Variants in DOCK2 observed in about 807,000 individuals in gnomAD.
DOCK2 encodes the protein dedicator of cytokinesis 2.
A neutral mutation model predicts 248.9 loss-of-function variants in DOCK2; 87 were observed. The ratio of observed to expected loss-of-function variants is 0.35; its 90% CI spans 0.29 to 0.42. DOCK2 has a LOEUF of 0.42. DOCK2 is among the 10% of genes least tolerant of loss of function. The pLI, the probability that DOCK2 is intolerant of heterozygous loss-of-function variation, is 1.00. For missense variants in DOCK2, 1,747 were observed against 2,300.2 expected (o/e 0.76, Z 4.92); for synonymous variants, 805 against 821.6 (o/e 0.98, Z 0.35).
At chr5:169,825,505 C>T (rs989130354) in intron 26 of DOCK2, among the ~76,000 whole-genome samples, 9 of 149,268 alleles carry the variant, frequency 6.0e-5, no homozygotes, top group African/African-American at 2.3e-4. Flanking sequence ...TCATTCTGAG[C>T]AAACTATCGC....
At chr5:169,699,773 CACT>C (rs1210179585) in intron 12 of DOCK2, among the ~76,000 whole-genome samples, 1 of 152,198 alleles carries the variant, frequency 6.6e-6, no homozygotes, top group Non-Finnish European at 1.5e-5. Context: ...TTGTCATCCT[CACT>C]TTGGGCTTAG....
chr5:169,915,459 C>T (rs1774821356), intron 27 of DOCK2, among the ~76,000 whole-genome samples: 1 of 151,898 alleles, frequency 6.6e-6, no homozygotes, highest in African/African-American at 2.4e-5. Context: ...TACCCAAGGT[C>T]ATGTAACTAA....
chr5:169,985,442 A>G (rs1005398610), intron 28 of DOCK2, among the ~76,000 whole-genome samples: 5 of 151,618 alleles, frequency 3.3e-5, no homozygotes, highest in African/African-American at 1.2e-4. Context: ...TGCTAATTAG[A>G]TGTTCATTTT....
intron 26 of DOCK2, among the ~76,000 whole-genome samples, chr5:169,811,332 A>G (rs944946198): frequency 1.1e-4 from 17 of 152,198 alleles, no homozygotes; most frequent in African/African-American, 3.9e-4. Flanking sequence ...GCCTCTTTGC[A>G]TTACTGTTTA....
chr5:169,756,057 C>T (rs1158465335), intron 23 of DOCK2, among the ~76,000 whole-genome samples: 4 of 152,286 alleles, frequency 2.6e-5, no homozygotes, highest in East Asian at 1.9e-4. Flanking sequence ...TCTGTGAGGC[C>T]GCCTGGACTA....
Position 169,819,800 on chromosome 5 carries a change from C to T in DOCK2, c.2703+16594C>T, listed in dbSNP as rs369306487. Among the ~76,000 whole-genome samples the T allele has an allele frequency of 1.1e-4, 16 of 152,268 alleles. No individual in the cohort carries two copies. The East Asian group carries it at 1.2e-3, about 11-fold the overall frequency. On this transcript the variant is annotated intron_variant, in intron 26 of 51. Coordinates refer to ENST00000520908, the MANE Select transcript of DOCK2 (RefSeq NM_004946.3). ...AGGACAGTGGGGGCAGCACACCGAG[C>T]GTGCGCTGAGGCGGGGTGAGGCATC...
At chr5:170,076,723 A>G (rs538962385) in intron 47 of DOCK2, among the ~76,000 whole-genome samples, 1 of 152,320 alleles carries the variant, frequency 6.6e-6, no homozygotes, top group African/African-American at 2.4e-5. Flanking sequence ...AGATGGTAAA[A>G]CTGAGACCCA....
chr5:169,966,597 C>T (rs1318736571), intron 27 of DOCK2, among the ~76,000 whole-genome samples: 1 of 152,144 alleles, frequency 6.6e-6, no homozygotes, highest in Non-Finnish European at 1.5e-5. Context: ...AATCACCACA[C>T]TCAGCATAGG....
At chr5:169,853,687 A>G (rs1166496409) in intron 27 of DOCK2, among the ~76,000 whole-genome samples, 2 of 151,886 alleles carry the variant, frequency 1.3e-5, no homozygotes, top group Non-Finnish European at 2.9e-5. Flanking sequence ...AGCTCAGAAC[A>G]TGTTCTAAGG....
intron 26 of DOCK2, among the ~76,000 whole-genome samples, chr5:169,821,831 A>G (rs1194000120): frequency 3.3e-5 from 5 of 152,232 alleles, no homozygotes; most frequent in African/African-American, 1.2e-4. Context: ...GGCAAATTGG[A>G]TAAAGAGTCA....
intron 27 of DOCK2, among the ~76,000 whole-genome samples, chr5:169,841,939 T>G (rs575641577): frequency 6.6e-6 from 1 of 152,166 alleles, no homozygotes; most frequent in African/African-American, 2.4e-5. Flanking sequence ...GTAAATACGT[T>G]TGAATGAATA....
intron 27 of DOCK2, among the ~76,000 whole-genome samples, chr5:169,925,213 C>T (rs1171895489): frequency 6.6e-6 from 1 of 152,138 alleles, no homozygotes; most frequent in Non-Finnish European, 1.5e-5. Flanking sequence ...AGTCAGGCAG[C>T]CCTAGCTTAG....
At chr5:170,002,314 G>C (rs562540220) in intron 30 of DOCK2, among the ~76,000 whole-genome samples, 1 of 151,690 alleles carries the variant, frequency 6.6e-6, no homozygotes, top group African/African-American at 2.4e-5. Flanking sequence ...CATCGTCATA[G>C]AATACAATGT....
At chr5:170,010,901 T>C (rs1755262428) in intron 32 of DOCK2, among the ~76,000 whole-genome samples, 1 of 152,252 alleles carries the variant, frequency 6.6e-6, no homozygotes, top group Admixed American at 6.5e-5. Context: ...TCATTGCCAT[T>C]GTTTTGCACA....
intron 36 of DOCK2, 48 bp downstream of exon 36, chr5:170,036,603 G>C (rs1581545568): frequency 1.3e-6 from 2 of 1,587,776 alleles, no homozygotes; most frequent in Non-Finnish European, 1.7e-6. Flanking sequence ...TCACTTTCCT[G>C]CTCAGTATCC....
At chr5:169,713,809 G>C (rs1281719830) in intron 17 of DOCK2, among the ~76,000 whole-genome samples, 1 of 152,142 alleles carries the variant, frequency 6.6e-6, no homozygotes, top group East Asian at 1.9e-4. Flanking sequence ...CTTTCACCTG[G>C]TGGATCAACC....
chr5:169,643,965 C>A (rs1014096530), intron 1 of DOCK2, among the ~76,000 whole-genome samples: 2 of 152,168 alleles, frequency 1.3e-5, no homozygotes, highest in Admixed American at 1.3e-4. Flanking sequence ...GTTTTTGCTG[C>A]TGGCTTCCCT....
At chr5:169,680,179 A>G (rs1203946800) in intron 6 of DOCK2, among the ~76,000 whole-genome samples, 1 of 152,260 alleles carries the variant, frequency 6.6e-6, no homozygotes, top group African/African-American at 2.4e-5. Context: ...TACTAGCTAT[A>G]TGACCTTGAG....
In DOCK2 at chr5:169,729,229, C is replaced by T. The variant is rs541081028; in HGVS notation, c.2267+10438C>T. Among the ~76,000 whole-genome samples the T allele has an allele frequency of 2.0e-4, 30 of 152,286 alleles. No homozygotes were observed. The East Asian group carries it at 2.1e-3, about 11-fold the overall frequency. On this transcript the variant is annotated intron_variant, in intron 22 of 51. Coordinates refer to ENST00000520908, the MANE Select transcript of DOCK2 (RefSeq NM_004946.3). ...AGAAGGGTGAAATTTGCCATGCTAA[C>T]GCAATTGTCAGGGATGCTAAGTGCA... is the stretch of plus-strand genomic sequence containing the variant.
Sources: gnomAD v4.1 joint callset for allele counts (sites outside exome capture counted in the v4.1 genomes callset) on GRCh38, gnomAD v4.1.1 for gene constraint, MANE v1.5 for transcripts, NCBI Gene and HGNC (gene_info 2026-07-23, HGNC 2026-07-21) for gene names.